Variants in SPATA6 observed in about 807,000 individuals in gnomAD.
SPATA6 encodes spermatogenesis associated 6, also known as spermatogenesis-associated protein 6.
A neutral mutation model predicts 65.3 loss-of-function variants in SPATA6; 56 were observed. The ratio of observed to expected loss-of-function variants is 0.86; its 90% CI spans 0.69 to 1.07. SPATA6 has a LOEUF of 1.07. Among genes scored for constraint, SPATA6 ranks in the 50% least tolerant of loss-of-function variants. The pLI, the probability that SPATA6 is intolerant of heterozygous loss-of-function variation, is 0.00. For synonymous variants in SPATA6, 199 were observed against 213.2 expected (o/e 0.93, Z 0.58); for missense variants, 590 against 594.8 (o/e 0.99, Z 0.08).
intron 3 of SPATA6, among the ~76,000 whole-genome samples, chr1:48,420,419 G>A (rs1653215257): frequency 6.6e-6 from 1 of 152,182 alleles, no homozygotes; most frequent in African/African-American, 2.4e-5. Context: ...TCAGGAGGAA[G>A]TTCCAGCCTG....
chr1:48,400,432 T>G (rs1188036070), intron 6 of SPATA6, among the ~76,000 whole-genome samples: 1 of 152,034 alleles, frequency 6.6e-6, no homozygotes, highest in Non-Finnish European at 1.5e-5. Flanking sequence ...CTCTGCCTTA[T>G]AAAGGCCTTA....
intron 1 of SPATA6, among the ~76,000 whole-genome samples, chr1:48,454,526 CAAGT>C (rs1313302233): frequency 2.6e-5 from 4 of 152,136 alleles, no homozygotes; most frequent in Non-Finnish European, 5.9e-5. Flanking sequence ...TTACTATATG[CAAGT>C]AAGTATGTCT....
chr1:48,416,457 TCA>T (rs1467850361), intron 3 of SPATA6, among the ~76,000 whole-genome samples: 1 of 152,106 alleles, frequency 6.6e-6, no homozygotes, highest in Non-Finnish European at 1.5e-5. Context: ...AAGTGAATAC[TCA>T]CATATGTATG....
At chr1:48,352,270 T>G (rs1481623167) in intron 11 of SPATA6, among the ~76,000 whole-genome samples, 1 of 152,002 alleles carries the variant, frequency 6.6e-6, no homozygotes, top group Non-Finnish European at 1.5e-5. Context: ...ATGATTCAAT[T>G]ACCTCCCACA....
chr1:48,367,788 C>A (rs1211891647), intron 9 of SPATA6, among the ~76,000 whole-genome samples: 3 of 152,166 alleles, frequency 2.0e-5, no homozygotes, highest in Non-Finnish European at 2.9e-5. Flanking sequence ...AGCATTTAGT[C>A]CATTTACATT....
chr1:48,363,592 A>G (rs1316422232), intron 9 of SPATA6, among the ~76,000 whole-genome samples: 3 of 152,074 alleles, frequency 2.0e-5, no homozygotes, highest in Non-Finnish European at 4.4e-5. Flanking sequence ...ACTTCAGCAT[A>G]AAAAAGTCTT....
the SPATA6 span, among the ~76,000 whole-genome samples, chr1:48,266,428 G>T: frequency 6.6e-6 from 1 of 152,084 alleles, no homozygotes; most frequent in East Asian, 1.9e-4. Flanking sequence ...GAGTTTTCTT[G>T]TTTGTAAAAA....
intron 11 of SPATA6, among the ~76,000 whole-genome samples, chr1:48,344,949 A>G (rs1646321871): frequency 6.6e-6 from 1 of 152,180 alleles, no homozygotes; most frequent in South Asian, 2.1e-4. Context: ...CCCCACTGAC[A>G]ATATGAGACA....
At chr1:48,406,504 A>C (rs1651718920) in intron 5 of SPATA6, among the ~76,000 whole-genome samples, 2 of 152,210 alleles carry the variant, frequency 1.3e-5, no homozygotes, top group Admixed American at 1.3e-4. Context: ...ATGTCAGTTC[A>C]TCTATGAAGT....
At chr1:48,350,923 G>A (rs112708389) in intron 11 of SPATA6, among the ~76,000 whole-genome samples, 3,745 of 151,858 alleles carry the variant, frequency 0.025, 99 homozygotes, top group African/African-American at 0.067. Context: ...CTGGAATTTT[G>A]ATTAAGATTG....
intron 11 of SPATA6, among the ~76,000 whole-genome samples, chr1:48,306,318 T>C (rs370344645): frequency 2.7e-4 from 41 of 151,940 alleles, no homozygotes; most frequent in African/African-American, 9.4e-4. Context: ...CTTAGACTTA[T>C]TAATCAAAAG....
At chr1:48,324,513 T>C (rs1407091594) in intron 11 of SPATA6, among the ~76,000 whole-genome samples, 1 of 152,178 alleles carries the variant, frequency 6.6e-6, no homozygotes, top group African/African-American at 2.4e-5. Context: ...GTGAGATTTA[T>C]TTCAGGGATG....
At chr1:48,292,362 C>G (rs933708707), downstream of SPATA6, among the ~76,000 whole-genome samples, 3 of 152,184 alleles carry the variant, frequency 2.0e-5, no homozygotes, top group African/African-American at 7.2e-5. Flanking sequence ...CATTTGGCAA[C>G]TATGTTGTCC....
chr1:48,299,514 C>T (rs12073372), intron 12 of SPATA6, among the ~76,000 whole-genome samples: 75 of 686 alleles, frequency 0.11, 1 homozygote, highest in South Asian at 0.5. Flanking sequence ...AACTCCGTCT[C>T]GGAAAAAAAA....
intron 3 of SPATA6, among the ~76,000 whole-genome samples, chr1:48,413,975 G>A (rs1652519879): frequency 6.6e-6 from 1 of 152,184 alleles, no homozygotes; most frequent in Non-Finnish European, 1.5e-5. Flanking sequence ...TAAATTGTCT[G>A]TTTGAAACGG....
chr1:48,418,632 G>T (rs556576794), intron 3 of SPATA6, among the ~76,000 whole-genome samples: 218 of 150,664 alleles, frequency 1.4e-3, no homozygotes, highest in Non-Finnish European at 2.4e-3. Flanking sequence ...GGAGGCTGAG[G>T]TAGATCACTT....
chr1:48,407,393 C>A (rs1482519280), intron 5 of SPATA6, among the ~76,000 whole-genome samples: 1 of 152,150 alleles, frequency 6.6e-6, no homozygotes. Flanking sequence ...GGCAGGTAAT[C>A]CTTGCCCCAG....
chr1:48,364,339 A>G (rs993526584), intron 9 of SPATA6, among the ~76,000 whole-genome samples: 5 of 152,234 alleles, frequency 3.3e-5, no homozygotes, highest in African/African-American at 1.2e-4. Flanking sequence ...GCTGGGTCAA[A>G]TGGTACTTCT....
At chr1:48,401,319 T>A (rs1651139741) in intron 6 of SPATA6, among the ~76,000 whole-genome samples, 1 of 152,074 alleles carries the variant, frequency 6.6e-6, no homozygotes, top group Non-Finnish European at 1.5e-5. Flanking sequence ...CAAACCTTAA[T>A]TAACCTCATC....
Sources: gnomAD v4.1 joint callset for allele counts (sites outside exome capture counted in the v4.1 genomes callset) on GRCh38, gnomAD v4.1.1 for gene constraint, MANE v1.5 for transcripts, NCBI Gene and HGNC (gene_info 2026-07-23, HGNC 2026-07-21) for gene names.